The following MORC2 variants were observed in gnomAD, a reference collection of about 807,000 sequenced individuals.
The protein encoded by MORC2 is MORC family CW-type zinc finger 2.
In MORC2, 30 loss-of-function variants were observed where a neutral mutation model predicts 136.0. The observed-to-expected ratio is 0.22, with a 90% confidence interval of 0.17 to 0.30. The LOEUF (loss-of-function observed/expected upper bound fraction) is 0.30, where lower values mean the gene tolerates loss of function less well. Among genes scored for constraint, MORC2 ranks in the 10% least tolerant of loss-of-function variants. MORC2 has a pLI of 1.00. For synonymous variants in MORC2, 439 were observed against 487.0 expected (o/e 0.90, Z 1.30); for missense variants, 922 against 1,333.1 (o/e 0.69, Z 4.80).
chr22:30,965,946 C>T (rs1033830048), intron 1 of MORC2, among the ~76,000 whole-genome samples: 4 of 152,190 alleles, frequency 2.6e-5, no homozygotes, highest in Non-Finnish European at 4.4e-5. Flanking sequence ...CAGATAAATC[C>T]CACTGTCTTA....
chr22:30,956,006 C>CAAAAA (rs576674402), intron 3 of MORC2, among the ~76,000 whole-genome samples: 1 of 51,550 alleles, frequency 1.9e-5, no homozygotes. Flanking sequence ...GACTCCATCT[C>CAAAAA]AAAAAAAAAA....
chr22:30,928,239 T>C (rs1253183283), intron 24 of MORC2, 32 bp from the exon 25 acceptor site: 1 of 1,612,774 alleles, frequency 6.2e-7, no homozygotes, highest in Non-Finnish European at 8.5e-7. Flanking sequence ...GGAGAGTGTG[T>C]AAGTTCACAG....
rs367657160 is a variant in MORC2, at chr22:30,934,769, C to A, written c.2193+12G>T. Reference sequence around the variant, plus strand: ...CACTGGGCTGGGGTATTAAAGAGGACAAGCGTCTCACCGGGGAGAGTTTGA... The same window carrying A: ...CACTGGGCTGGGGTATTAAAGAGGAAAAGCGTCTCACCGGGGAGAGTTTGA... On this transcript the variant is annotated intron_variant, in intron 19 of 25. Coordinates refer to ENST00000397641, the MANE Select transcript of MORC2 (RefSeq NM_001303256.3). The surrounding 1 kb of genome is among the most constrained non-coding windows in gnomAD (Gnocchi z 4.4). 8.1e-6 allele frequency: 13 copies of A among 1,613,156 alleles called. No individual in the cohort carries two copies. Among genetic ancestry groups the A allele is most frequent in the African/African-American group, 2.7e-5 (2 of 75,034 alleles).
chr22:30,963,762 G>T (rs968002758), intron 1 of MORC2, among the ~76,000 whole-genome samples: 1 of 152,106 alleles, frequency 6.6e-6, no homozygotes, highest in Non-Finnish European at 1.5e-5. Context: ...AAATTCACCT[G>T]TAAATTAGCT....
intron 11 of MORC2, 69 bp downstream of exon 11, chr22:30,939,890 C>G (rs569070417): frequency 4.0e-6 from 6 of 1,514,296 alleles, no homozygotes; most frequent in East Asian, 2.3e-5. Context: ...TTTACTTGAC[C>G]AGGCTCATGG....
chr22:30,953,886 T>C (rs1202565857), intron 3 of MORC2, among the ~76,000 whole-genome samples: 3 of 152,252 alleles, frequency 2.0e-5, no homozygotes, highest in African/African-American at 7.2e-5. Context: ...AATGTGACTT[T>C]GTGGTGACTT....
intron 24 of MORC2, among the ~76,000 whole-genome samples, chr22:30,931,988 G>A (rs751162418): frequency 1.3e-4 from 20 of 152,182 alleles, no homozygotes; most frequent in Non-Finnish European, 2.1e-4. Context: ...TATGCACTTC[G>A]AGCCTCAGCT....
intron 24 of MORC2, among the ~76,000 whole-genome samples, chr22:30,928,451 C>T (rs150960657): frequency 1.1e-4 from 17 of 152,338 alleles, no homozygotes; most frequent in African/African-American, 4.1e-4. Context: ...GCACAGTGCT[C>T]TGGCAGACAG....
chr22:30,967,731 T>G, intron 1 of MORC2, 91 bp downstream of exon 1: 3 of 1,537,008 alleles, frequency 2.0e-6, no homozygotes, highest in Non-Finnish European at 2.6e-6. Context: ...TCTCAAAAAG[T>G]GAAAAAGCAA....
At chr22:30,952,070 C>A (rs2040896145) in intron 3 of MORC2, among the ~76,000 whole-genome samples, 1 of 152,134 alleles carries the variant, frequency 6.6e-6, no homozygotes, top group Non-Finnish European at 1.5e-5. Flanking sequence ...TAGATAAAAT[C>A]TCTCCTGGTG....
rs1432892101 is a variant in MORC2 at position 30,941,437 on chromosome 22, G to A, written c.820C>T (p.Pro274Ser). ...CCAAGGGGCACTGGCCCCTACCTGGGCTTGTACAGGCAGCAGGAGAGCCTC... is the reference window on the plus strand; with the variant it reads ...CCAAGGGGCACTGGCCCCTACCTGGACTTGTACAGGCAGCAGGAGAGCCTC... ...TKRLSCCLYK[P>S]RMYKYTSSRF... is the part of the protein sequence containing the mutation. The change falls in exon 9 of 26, where the codon CCC becomes TCC. Residue 274 changes from proline (P) to serine (S), a missense_variant. Pro to Ser is a moderately conservative substitution (Grantham distance 74). Around this residue, in one of 9 missense-constraint regions of MORC2, gnomAD observed 261 missense variants for 354.3 expected, o/e 0.74. Transcript: ENST00000397641. The surrounding 1 kb of genome is among the most constrained non-coding windows in gnomAD (Gnocchi z 4.6). The A allele has an allele frequency of 6.2e-7, 1 of 1,613,886 alleles. No homozygotes were observed. The highest frequency in any genetic ancestry group is 8.5e-7 in the Non-Finnish European group (1 of 1,179,976).
At chr22:30,958,316 T>C (rs942578402) in intron 2 of MORC2, among the ~76,000 whole-genome samples, 2 of 152,242 alleles carry the variant, frequency 1.3e-5, no homozygotes, top group Non-Finnish European at 2.9e-5. Flanking sequence ...GTCTCATTAA[T>C]ATGATTCCTA....
intron 5 of MORC2, 78 bp downstream of exon 5, chr22:30,949,669 GAAGGA>G: frequency 5.1e-6 from 6 of 1,171,692 alleles, no homozygotes. Context: ...GGGACAAGGA[GAAGGA>G]AAGTTTTCAT....
intron 6 of MORC2, among the ~76,000 whole-genome samples, chr22:30,943,350 G>T (rs531014294): frequency 6.6e-6 from 1 of 152,320 alleles, no homozygotes; most frequent in African/African-American, 2.4e-5. Context: ...AGGGCACACA[G>T]GACACTTCTA....
At chr22:30,958,071 A>G (rs1039566833) in intron 2 of MORC2, among the ~76,000 whole-genome samples, 3 of 152,238 alleles carry the variant, frequency 2.0e-5, no homozygotes, top group African/African-American at 7.2e-5. Context: ...AACTAACCCA[A>G]ACTTCTATTC....
intron 3 of MORC2, among the ~76,000 whole-genome samples, chr22:30,953,376 C>G (rs529608544): frequency 1.3e-5 from 2 of 152,182 alleles, no homozygotes; most frequent in African/African-American, 2.4e-5. Flanking sequence ...ACTGTCAAAG[C>G]CAATCTGAAA....
At chr22:30,948,654 A>C (rs920437338) in intron 5 of MORC2, among the ~76,000 whole-genome samples, 35 of 152,190 alleles carry the variant, frequency 2.3e-4, no homozygotes, top group African/African-American at 8.4e-4. Flanking sequence ...CAGCAGCTCC[A>C]TTTTGCAGTC....
At chr22:30,926,915 A>G (rs2040493119) in intron 25 of MORC2, 44 bp from the exon 26 acceptor site, 1 of 1,543,518 alleles carries the variant, frequency 6.5e-7, no homozygotes. Context: ...CCAGAAAGTG[A>G]TTGGGGGGCT....
At chr22:30,958,931 C>G in intron 1 of MORC2, 1 of 430,778 alleles carries the variant, frequency 2.3e-6, no homozygotes. Context: ...AGTTGGGAAA[C>G]CCACCCTGAA....
Sources: allele counts gnomAD v4.1 joint callset (sites outside exome capture counted in the v4.1 genomes callset), GRCh38; gene constraint gnomAD v4.1.1; regional missense constraint gnomAD v4.1.1; non-coding constraint Gnocchi (gnomAD v3.1); transcripts MANE v1.5; gene names NCBI Gene and HGNC (gene_info 2026-07-23, HGNC 2026-07-21).